The following SLC30A9 variants were observed in gnomAD, a reference collection of about 807,000 sequenced individuals.
SLC30A9 encodes the protein solute carrier family 30 member 9, also known as proton-coupled zinc antiporter SLC30A9, mitochondrial.
SLC30A9 carries 58 observed loss-of-function variants against 87.5 expected under a neutral mutation model. The observed-to-expected ratio is 0.66, with a 90% CI of 0.54 to 0.82. The LOEUF (loss-of-function observed/expected upper bound fraction) is 0.82, where lower values mean the gene tolerates loss of function less well. SLC30A9 is among the 40% of genes least tolerant of loss of function. The pLI is 0.00. For synonymous variants in SLC30A9, 234 were observed against 233.0 expected (o/e 1.00, Z -0.04); for missense variants, 557 against 679.1 (o/e 0.82, Z 2.00).
At chr4:42,061,529 C>A (rs1203215993) in intron 10 of SLC30A9, among the ~76,000 whole-genome samples, 1 of 152,208 alleles carries the variant, frequency 6.6e-6, no homozygotes, top group Non-Finnish European at 1.5e-5. Flanking sequence ...CACATTGTCA[C>A]ATCTATAAAC....
intron 7 of SLC30A9, 146 bp from the exon 8 acceptor site, chr4:42,038,840 C>T (rs1409896706): frequency 3.5e-6 from 2 of 577,204 alleles, no homozygotes; most frequent in Non-Finnish European, 6.3e-6. Context: ...TTTCCACTTT[C>T]TAAACAAGAA....
intron 9 of SLC30A9, among the ~76,000 whole-genome samples, chr4:42,055,844 G>GTT (rs1369687437): frequency 6.6e-6 from 1 of 152,124 alleles, no homozygotes; most frequent in Non-Finnish European, 1.5e-5. Flanking sequence ...GATACTTAAG[G>GTT]AACACCAGAA....
At chr4:42,028,551 T>G (rs1299901395) in intron 6 of SLC30A9, among the ~76,000 whole-genome samples, 1 of 152,200 alleles carries the variant, frequency 6.6e-6, no homozygotes, top group Non-Finnish European at 1.5e-5. Context: ...GTTGGACAAA[T>G]TTATAAAGTT....
At chr4:41,990,976 G>C (rs1400117561) in intron 1 of SLC30A9, among the ~76,000 whole-genome samples, 1 of 152,236 alleles carries the variant, frequency 6.6e-6, no homozygotes, top group Non-Finnish European at 1.5e-5. Flanking sequence ...CATGGCCCCC[G>C]CGGGAACTTG....
chr4:42,072,656 A>G (rs781420313), intron 15 of SLC30A9, among the ~76,000 whole-genome samples: 1 of 152,096 alleles, frequency 6.6e-6, no homozygotes, highest in Non-Finnish European at 1.5e-5. Context: ...GGTTTGTTTT[A>G]TGGCCTTACA....
intron 17 of SLC30A9, among the ~76,000 whole-genome samples, chr4:42,083,675 CTT>C (rs1718818986): frequency 6.6e-6 from 1 of 151,710 alleles, no homozygotes; most frequent in Non-Finnish European, 1.5e-5. Context: ...TAATGTCAAA[CTT>C]AATGAACAGG....
intron 1 of SLC30A9, among the ~76,000 whole-genome samples, chr4:42,000,283 G>A (rs747112538): frequency 2.0e-5 from 3 of 152,050 alleles, no homozygotes; most frequent in Non-Finnish European, 4.4e-5. Context: ...AATTACAGAA[G>A]ATATTTTGAA....
intron 2 of SLC30A9, among the ~76,000 whole-genome samples, chr4:42,008,011 T>G (rs2153133758): frequency 6.6e-6 from 1 of 152,282 alleles, no homozygotes; most frequent in Middle Eastern, 3.4e-3. Context: ...AAATTAAAAT[T>G]TACTATTCTG....
chr4:42,075,042 TATATATATATATATATA>T (rs1444670247), intron 15 of SLC30A9, among the ~76,000 whole-genome samples: 9 of 13,094 alleles, frequency 6.9e-4, no homozygotes, highest in East Asian at 1.7e-3. Context: ...TATATATATA[TATATATATATATATATA>T]TTTTTTTTTT....
chr4:42,016,655 T>A (rs145312771), intron 2 of SLC30A9, among the ~76,000 whole-genome samples: 4 of 152,330 alleles, frequency 2.6e-5, no homozygotes, highest in African/African-American at 9.6e-5. Context: ...CACATACTGT[T>A]CAGGGATGTT....
At chr4:41,995,954 C>T (rs1187633050) in intron 1 of SLC30A9, among the ~76,000 whole-genome samples, 1 of 152,172 alleles carries the variant, frequency 6.6e-6, no homozygotes, top group Non-Finnish European at 1.5e-5. Context: ...AAGCATTCCA[C>T]CCATCTCGGC....
rs189517692 is a variant in SLC30A9, at chr4:42,044,106, T to C, written c.737+5053T>C. 9.9e-5 allele frequency among the ~76,000 whole-genome samples: 15 copies of C among 152,234 alleles called. No homozygotes were observed. The East Asian group carries it at 2.9e-3, about 29-fold the overall frequency. Reference sequence around the variant, plus strand: ...ACTGGTACCAGCCACTGCAAAAACATACCAAATTGTAAAGACCATTGACAC... The same window carrying C: ...ACTGGTACCAGCCACTGCAAAAACACACCAAATTGTAAAGACCATTGACAC... On this transcript the variant is annotated intron_variant, in intron 8 of 17. Transcript: ENST00000264451.
chr4:41,998,528 A>G (rs1238919607), intron 1 of SLC30A9, among the ~76,000 whole-genome samples: 2 of 149,304 alleles, frequency 1.3e-5, no homozygotes, highest in African/African-American at 4.9e-5. Context: ...CAATGGCGCG[A>G]TCTTGGTTCA....
chr4:42,020,837 T>C (rs1715916994), intron 4 of SLC30A9: 1 of 192,072 alleles, frequency 5.2e-6, no homozygotes, highest in Admixed American at 6.1e-5. Flanking sequence ...CTCAATAAGA[T>C]TATTTGCGTA....
At position 42,070,299 on chromosome 4, in the gene SLC30A9, G is replaced by T. The variant is rs540842546; in HGVS notation, c.1253-227G>T. ...TTCACATATGTAATGACAGGTACAA[G>T]TAAGAGATCTTAATTATGTCACATA... On this transcript the variant is annotated intron_variant, in intron 14 of 17. Coordinates refer to ENST00000264451, the MANE Select transcript of SLC30A9 (RefSeq NM_006345.4). 1.7e-3 allele frequency: 720 copies of T among 412,006 alleles called. 8 individuals are homozygous for T. The highest frequency in any genetic ancestry group is 1.9e-3 in the Middle Eastern group (3 of 1,570). 25.5% of individuals were successfully genotyped at this position (412,006 alleles called of 1,614,324 possible).
chr4:42,062,660 C>T (rs1717911208), intron 10 of SLC30A9, among the ~76,000 whole-genome samples: 1 of 152,174 alleles, frequency 6.6e-6, no homozygotes. Flanking sequence ...GTTCATTAAA[C>T]ATCTGAATGC....
intron 15 of SLC30A9, among the ~76,000 whole-genome samples, chr4:42,074,415 C>T (rs1373178379): frequency 6.6e-6 from 1 of 152,148 alleles, no homozygotes; most frequent in Non-Finnish European, 1.5e-5. Context: ...CAGAAAAGAT[C>T]TTACAGTGAT....
chr4:42,038,952 G>T, intron 7 of SLC30A9, 34 bp from the exon 8 acceptor site: 1 of 1,555,394 alleles, frequency 6.4e-7, no homozygotes, highest in Non-Finnish European at 8.9e-7. Flanking sequence ...GCAAAATTTT[G>T]GAGGTATTAA....
chr4:42,090,096 A>G lies in SLC30A9; in HGVS notation c.*3970A>G, dbSNP rs186710114. On this transcript the variant is annotated 3_prime_UTR_variant, in exon 18 of 18. Coordinates refer to ENST00000264451, the MANE Select transcript of SLC30A9 (RefSeq NM_006345.4). ...TTTAGAATTTGTATTATCTTCTTAG[A>G]CTGCATTTGTCAAGCTTTGGCAGCA... The G allele has an allele frequency of 9.2e-5, 14 of 152,348 alleles. No homozygotes were observed. Among genetic ancestry groups the G allele is most frequent in the Admixed American group, 7.2e-4 (11 of 15,302 alleles). The allele number at this position is 152,348 out of a possible 1,614,324, so 9.4% of individuals were successfully genotyped here.
Sources: allele counts gnomAD v4.1 joint callset (sites outside exome capture counted in the v4.1 genomes callset), GRCh38; gene constraint gnomAD v4.1.1; transcripts MANE v1.5; gene names NCBI Gene and HGNC (gene_info 2026-07-23, HGNC 2026-07-21).